The following TIAM2 variants were observed in gnomAD, a reference collection of about 807,000 sequenced individuals.
The protein encoded by TIAM2 is TIAM Rac1 associated GEF 2.
Under a neutral mutation model 152.9 loss-of-function variants are expected in TIAM2, and 80 were observed. The observed-to-expected ratio is 0.52, with a 90% confidence interval of 0.44 to 0.63. The LOEUF (loss-of-function observed/expected upper bound fraction) is 0.63, where lower values mean the gene tolerates loss of function less well. TIAM2 is among the 30% of genes least tolerant of loss of function. The pLI, the probability that TIAM2 is intolerant of heterozygous loss-of-function variation, is 0.00. For synonymous variants in TIAM2, 804 were observed against 838.0 expected (o/e 0.96, Z 0.70); for missense variants, 1,965 against 2,120.1 (o/e 0.93, Z 1.44).
intron 1 of TIAM2, among the ~76,000 whole-genome samples, chr6:155,060,119 A>C (rs1358935405): frequency 6.6e-6 from 1 of 152,168 alleles, no homozygotes; most frequent in African/African-American, 2.4e-5. Context: ...TAATACATTT[A>C]ATAGGCTGGG....
At chr6:155,082,069 C>T (rs746396474) in intron 1 of TIAM2, among the ~76,000 whole-genome samples, 39 of 152,144 alleles carry the variant, frequency 2.6e-4, no homozygotes, top group East Asian at 9.6e-4. Flanking sequence ...ATAGGCCAGG[C>T]GCAGTCGCTT....
chr6:155,102,131 G>A (rs1202808520), intron 2 of TIAM2, among the ~76,000 whole-genome samples: 2 of 151,988 alleles, frequency 1.3e-5, no homozygotes, highest in Non-Finnish European at 2.9e-5. Flanking sequence ...CAAATAGCTA[G>A]GGCTACAGGT....
intron 1 of TIAM2, among the ~76,000 whole-genome samples, chr6:155,024,887 T>C (rs1776569385): frequency 6.6e-6 from 1 of 152,206 alleles, no homozygotes; most frequent in Non-Finnish European, 1.5e-5. Context: ...ACTCCTGCTC[T>C]AGATGAAGTG....
chr6:155,098,504 T>C (rs1417713664), intron 2 of TIAM2, among the ~76,000 whole-genome samples: 3 of 152,256 alleles, frequency 2.0e-5, no homozygotes, highest in African/African-American at 7.2e-5. Flanking sequence ...ATATAGATGC[T>C]ACTGATTTTG....
chr6:155,037,851 C>T (rs1212227510), intron 1 of TIAM2, among the ~76,000 whole-genome samples: 3 of 152,060 alleles, frequency 2.0e-5, no homozygotes, highest in Non-Finnish European at 1.5e-5. Flanking sequence ...TTTCTGAGTC[C>T]TTACTTCTTC....
At chr6:155,154,285 ACAT>A in intron 7 of TIAM2, among the ~76,000 whole-genome samples, 1 of 152,336 alleles carries the variant, frequency 6.6e-6, no homozygotes, top group Non-Finnish European at 1.5e-5. Context: ...AATGTAGGTG[ACAT>A]CATGCAACAG....
At chr6:155,090,573 A>G (rs1778278923) in intron 2 of TIAM2, among the ~76,000 whole-genome samples, 194 bp downstream of exon 2, 1 of 152,200 alleles carries the variant, frequency 6.6e-6, no homozygotes, top group Non-Finnish European at 1.5e-5. Context: ...TCCAGAGCTC[A>G]GTAGATTATT....
chr6:155,035,381 C>T (rs904198859), intron 1 of TIAM2, among the ~76,000 whole-genome samples: 21 of 151,912 alleles, frequency 1.4e-4, no homozygotes, highest in South Asian at 4.2e-4. Flanking sequence ...GCCACCATAC[C>T]GGCTAATTTT....
chr6:155,065,243 C>T (rs1583174109), intron 1 of TIAM2, among the ~76,000 whole-genome samples: 1 of 151,968 alleles, frequency 6.6e-6, no homozygotes, highest in East Asian at 1.9e-4. Flanking sequence ...CGTGAGCCAC[C>T]ATACCCGGCC....
chr6:155,256,023 G>A (rs994425806), intron 26 of TIAM2: 2 of 198,242 alleles, frequency 1.0e-5, no homozygotes, highest in Non-Finnish European at 1.0e-5. Context: ...AAAAAAAGGG[G>A]GGGGGAGGGG....
At chr6:155,208,174 G>A (rs1471688652) in intron 14 of TIAM2, among the ~76,000 whole-genome samples, 1 of 152,168 alleles carries the variant, frequency 6.6e-6, no homozygotes, top group Non-Finnish European at 1.5e-5. Context: ...TGTACTTGAT[G>A]TAACTCTTTG....
At chr6:155,083,941 C>T (rs949045150) in intron 1 of TIAM2, among the ~76,000 whole-genome samples, 6 of 152,092 alleles carry the variant, frequency 3.9e-5, no homozygotes, top group Non-Finnish European at 8.8e-5. Flanking sequence ...CATTTTTTGG[C>T]CCAGCCCTGG....
intron 14 of TIAM2, among the ~76,000 whole-genome samples, chr6:155,184,898 G>A (rs891498043): frequency 6.6e-6 from 1 of 152,092 alleles, no homozygotes. Flanking sequence ...GGGTATATTA[G>A]GGCCATCATT....
At chr6:155,148,084 C>G (rs760144520) in intron 6 of TIAM2, 26 bp from the exon 7 acceptor site, 4 of 1,610,754 alleles carry the variant, frequency 2.5e-6, no homozygotes, top group Non-Finnish European at 3.4e-6. Flanking sequence ...TGATTCGAAA[C>G]AGGCTTTCTC....
chr6:155,054,027 G>T (rs1243911884), intron 1 of TIAM2, among the ~76,000 whole-genome samples: 1 of 152,128 alleles, frequency 6.6e-6, no homozygotes, highest in Non-Finnish European at 1.5e-5. Context: ...ACAAAATCTA[G>T]CCAGGCATGG....
chr6:155,227,485 A>T (rs958390653), intron 15 of TIAM2, among the ~76,000 whole-genome samples: 1 of 152,332 alleles, frequency 6.6e-6, no homozygotes, highest in East Asian at 1.9e-4. Flanking sequence ...TGTACCACGG[A>T]TCGCGCCCAG....
chr6:155,160,062 C>T lies in TIAM2; in HGVS notation c.2029-4353C>T, dbSNP rs552379046. ...AGAAATTTATTATAAGAAATAGGCT[C>T]ATGCAGTTATGGAGAAGAGCAAGTC... On this transcript the variant is annotated intron_variant, in intron 7 of 26. Coordinates refer to ENST00000682666, the MANE Select transcript of TIAM2 (RefSeq NM_012454.4). 1.9e-3 allele frequency among the ~76,000 whole-genome samples: 290 copies of T among 152,154 alleles called. 1 individual carries two copies. Among genetic ancestry groups the T allele is most frequent in the Non-Finnish European group, 3.3e-3 (223 of 68,004 alleles).
chr6:155,241,163 C>G (rs1783016134), intron 16 of TIAM2, among the ~76,000 whole-genome samples: 1 of 152,140 alleles, frequency 6.6e-6, no homozygotes, highest in African/African-American at 2.4e-5. Flanking sequence ...GACGCACACA[C>G]TGGGGAGTGG....
intron 1 of TIAM2, among the ~76,000 whole-genome samples, chr6:155,017,794 C>A (rs766108069): frequency 6.6e-6 from 1 of 152,026 alleles, no homozygotes; most frequent in African/African-American, 2.4e-5. Context: ...TGAGCCACCA[C>A]GCCTGACTCT....
Sources: allele counts gnomAD v4.1 joint callset (sites outside exome capture counted in the v4.1 genomes callset), GRCh38; gene constraint gnomAD v4.1.1; transcripts MANE v1.5; gene names NCBI Gene and HGNC (gene_info 2026-07-23, HGNC 2026-07-21).